The following GSE1 variants were observed in gnomAD, a reference collection of about 807,000 sequenced individuals.
GSE1 encodes the protein genetic suppressor element 1.
In GSE1, 32 loss-of-function variants were observed where a neutral mutation model predicts 112.6. The ratio of observed to expected loss-of-function variants is 0.28; its 90% CI spans 0.21 to 0.38. The LOEUF is 0.38. Ranked by LOEUF, GSE1 falls within the 10% of genes least tolerant of loss-of-function variation. The pLI, the probability that GSE1 is intolerant of heterozygous loss-of-function variation, is 1.00. For missense variants in GSE1, 2,348 were observed against 1,699.2 expected (o/e 1.38, Z -6.71); for synonymous variants, 1,115 against 735.6 (o/e 1.52, Z -8.35).
chr16:85,275,220 G>T (rs542674305), intron 1 of GSE1, among the ~76,000 whole-genome samples: 1 of 152,178 alleles, frequency 6.6e-6, no homozygotes, highest in Non-Finnish European at 1.5e-5. Context: ...AGAGGCCTCC[G>T]AACTGGAGGA....
At chr16:85,604,927 C>T (rs1310542586) in intron 1 of GSE1, among the ~76,000 whole-genome samples, 1 of 127,968 alleles carries the variant, frequency 7.8e-6, no homozygotes, top group East Asian at 2.5e-4. Flanking sequence ...ACGCCATTCT[C>T]CTGCCTCAGC....
intron 1 of GSE1, among the ~76,000 whole-genome samples, chr16:85,227,355 C>T (rs4423408): frequency 0.19 from 29,526 of 152,194 alleles, 3,103 homozygotes; most frequent in East Asian, 0.26. Context: ...CCTCTTCTCA[C>T]GGACCTCAAC....
At chr16:85,531,091 G>A (rs2044120893) in intron 2 of GSE1, among the ~76,000 whole-genome samples, 1 of 152,252 alleles carries the variant, frequency 6.6e-6, no homozygotes, top group African/African-American at 2.4e-5. Context: ...TCGTTCGGTT[G>A]CCCGGATTCA....
intron 1 of GSE1, among the ~76,000 whole-genome samples, chr16:85,184,483 T>C (rs1597741630): frequency 6.6e-6 from 1 of 152,220 alleles, no homozygotes; most frequent in African/African-American, 2.4e-5. Context: ...GGCACTGGCA[T>C]ATTTGCTAAG....
upstream of GSE1, among the ~76,000 whole-genome samples, chr16:85,612,157 G>A (rs2048027909): frequency 6.6e-6 from 1 of 151,760 alleles, no homozygotes; most frequent in East Asian, 2.0e-4. Flanking sequence ...CCAGAAGGCG[G>A]CAGGGGAGGC....
intron 1 of GSE1, among the ~76,000 whole-genome samples, chr16:85,352,167 C>T (rs1353421680): frequency 6.6e-6 from 1 of 152,180 alleles, no homozygotes; most frequent in Non-Finnish European, 1.5e-5. Context: ...CCCACACCCT[C>T]CTCCCCTGAG....
chr16:85,300,591 G>A (rs1411325244), intron 1 of GSE1, among the ~76,000 whole-genome samples: 1 of 152,336 alleles, frequency 6.6e-6, no homozygotes, highest in East Asian at 1.9e-4. Context: ...CGTCGTCAGG[G>A]TCTACTGCGT....
At chr16:85,313,216 G>A (rs539355228) in intron 1 of GSE1, among the ~76,000 whole-genome samples, 1 of 152,284 alleles carries the variant, frequency 6.6e-6, no homozygotes, top group Non-Finnish European at 1.5e-5. Flanking sequence ...ATGGACCGGG[G>A]GCAGCACCTG....
At chr16:85,191,400 AATCTT>A (rs2074817731) in intron 1 of GSE1, among the ~76,000 whole-genome samples, 1 of 152,210 alleles carries the variant, frequency 6.6e-6, no homozygotes, top group Admixed American at 6.5e-5. Flanking sequence ...ACCGCTGTCT[AATCTT>A]AGAAATTCAC....
Position 85,657,272 on chromosome 16 carries a change from C to G in GSE1, c.1313-5C>G. The G allele has an allele frequency of 1.3e-6, 2 of 1,538,124 alleles. No homozygotes were observed. Among genetic ancestry groups the G allele is most frequent in the Non-Finnish European group, 1.8e-6 (2 of 1,141,870 alleles). ...GATCCTGCTTGACCGTGTTTCCCCC[C>G]ACAGAGAAGCTGAAGGATGCCGGCC... On this transcript the variant is annotated splice_polypyrimidine_tract_variant and splice_region_variant and intron_variant, in intron 7 of 15. Transcript: ENST00000253458.
intron 1 of GSE1, among the ~76,000 whole-genome samples, chr16:85,208,592 G>A (rs1182601129): frequency 6.6e-6 from 1 of 151,950 alleles, no homozygotes; most frequent in Non-Finnish European, 1.5e-5. Flanking sequence ...CAAACTCTGT[G>A]AAGGACCAGA....
intron 2 of GSE1, among the ~76,000 whole-genome samples, chr16:85,514,290 G>A (rs2051844856): frequency 6.7e-6 from 1 of 149,386 alleles, no homozygotes; most frequent in Non-Finnish European, 1.5e-5. Flanking sequence ...ATTCAGGGGA[G>A]AAGGGCCAGG....
chr16:85,413,653 A>T (rs2048635953), intron 2 of GSE1, among the ~76,000 whole-genome samples: 1 of 152,160 alleles, frequency 6.6e-6, no homozygotes, highest in African/African-American at 2.4e-5. Context: ...TGTACCTTAT[A>T]AAACTGACCC....
chr16:85,461,330 G>T (rs1037007758), intron 2 of GSE1, among the ~76,000 whole-genome samples: 1 of 152,202 alleles, frequency 6.6e-6, no homozygotes, highest in Non-Finnish European at 1.5e-5. Flanking sequence ...GCAGACACTG[G>T]TTGCTAACTA....
chr16:85,570,281 G>A (rs1198153870), intron 1 of GSE1, among the ~76,000 whole-genome samples: 1 of 152,144 alleles, frequency 6.6e-6, no homozygotes, highest in Non-Finnish European at 1.5e-5. Flanking sequence ...CAGCATGTGA[G>A]AGGCTGTCAA....
At chr16:85,554,146 G>A (rs547234605), upstream of GSE1, among the ~76,000 whole-genome samples, 1 of 152,134 alleles carries the variant, frequency 6.6e-6, no homozygotes, top group East Asian at 1.9e-4. Flanking sequence ...CAGCTTTGCA[G>A]CGTGCGTTTA....
chr16:85,605,568 T>G (rs1420185162), intron 1 of GSE1, among the ~76,000 whole-genome samples: 2 of 152,036 alleles, frequency 1.3e-5, no homozygotes, highest in Admixed American at 1.3e-4. Context: ...ACACGTTCCT[T>G]GCAGGGCAGC....
At chr16:85,173,951 T>A (rs759189994) in intron 1 of GSE1, among the ~76,000 whole-genome samples, 1 of 152,152 alleles carries the variant, frequency 6.6e-6, no homozygotes, top group Non-Finnish European at 1.5e-5. Flanking sequence ...CCTTCTTATA[T>A]CATTTTATAG....
intron 1 of GSE1, among the ~76,000 whole-genome samples, chr16:85,221,860 G>A (rs893765376): frequency 5.9e-5 from 9 of 152,176 alleles, no homozygotes; most frequent in Admixed American, 5.9e-4. Context: ...GTCCCGCTTG[G>A]AGCCCTCATG....
Sources: gnomAD v4.1 joint callset for allele counts (sites outside exome capture counted in the v4.1 genomes callset) on GRCh38, gnomAD v4.1.1 for gene constraint, MANE v1.5 for transcripts, NCBI Gene and HGNC (gene_info 2026-07-23, HGNC 2026-07-21) for gene names.